Variants in MYO16 observed in about 807,000 individuals in gnomAD.
MYO16 encodes myosin XVI.
In MYO16, 94 loss-of-function variants were observed where a neutral mutation model predicts 205.3. That is an observed-to-expected ratio of 0.46 (90% CI 0.39 to 0.54). The LOEUF (loss-of-function observed/expected upper bound fraction) is 0.54, where lower values mean the gene tolerates loss of function less well. Ranked by LOEUF, MYO16 falls within the 20% of genes least tolerant of loss-of-function variation. The pLI, the probability that MYO16 is intolerant of heterozygous loss-of-function variation, is 0.00. For missense variants in MYO16, 2,315 were observed against 2,387.5 expected (o/e 0.97, Z 0.63); for synonymous variants, 988 against 954.0 (o/e 1.04, Z -0.66).
chr13:108,885,191 C>T (rs944493510), intron 13 of MYO16, among the ~76,000 whole-genome samples: 12 of 152,210 alleles, frequency 7.9e-5, no homozygotes, highest in African/African-American at 2.7e-4. Flanking sequence ...ACAATCTCAG[C>T]TCACCGCTAC....
chr13:108,738,991 T>G (rs929667050), intron 4 of MYO16, among the ~76,000 whole-genome samples: 1 of 152,204 alleles, frequency 6.6e-6, no homozygotes, highest in African/African-American at 2.4e-5. Context: ...ATTTTCTTGG[T>G]AGATCTTCCT....
At chr13:108,932,749 G>A (rs944742913) in intron 16 of MYO16, among the ~76,000 whole-genome samples, 16 of 152,028 alleles carry the variant, frequency 1.1e-4, no homozygotes, top group African/African-American at 3.6e-4. Flanking sequence ...CTTTTTGATC[G>A]TCAGGCTTAC....
At chr13:109,005,797 A>G (rs946149939) in intron 21 of MYO16, among the ~76,000 whole-genome samples, 5 of 152,152 alleles carry the variant, frequency 3.3e-5, no homozygotes, top group African/African-American at 1.2e-4. Flanking sequence ...GTTCACACCA[A>G]TGTTCTGCTC....
chr13:108,827,250 T>C (rs1876324222), intron 9 of MYO16, among the ~76,000 whole-genome samples: 1 of 152,154 alleles, frequency 6.6e-6, no homozygotes, highest in Admixed American at 6.6e-5. Context: ...TGATTTGTTT[T>C]TTTTTCCCCC....
At chr13:108,503,427 GAGA>G in the MYO16 span, among the ~76,000 whole-genome samples, 4 of 150,092 alleles carry the variant, frequency 2.7e-5, no homozygotes, top group African/African-American at 5.0e-5. Flanking sequence ...CTTCATCAAG[GAGA>G]AGAAGCTCAA....
Position 108,806,675 on chromosome 13 carries a change from G to A in MYO16, c.742-4G>A, listed in dbSNP as rs1887123440. 6.2e-7 allele frequency: 1 copy of A among 1,611,902 alleles called. No homozygotes were observed. On this transcript the variant is annotated splice_region_variant and splice_polypyrimidine_tract_variant and intron_variant, in intron 6 of 34. Coordinates refer to ENST00000457511, the MANE Select transcript of MYO16 (RefSeq NM_001198950.3). ...ATGAATAATAAGATGTCTCTTCGCT[G>A]CAGTTACACATGGCGTGTGCGAGTG...
chr13:108,942,326 T>C (rs995193149), intron 16 of MYO16, among the ~76,000 whole-genome samples: 6 of 152,220 alleles, frequency 3.9e-5, no homozygotes, highest in Admixed American at 2.6e-4. Flanking sequence ...GACAAGGGAT[T>C]GTGTTAATAA....
chr13:109,109,975 A>G (rs932554175), intron 28 of MYO16, among the ~76,000 whole-genome samples: 13 of 152,254 alleles, frequency 8.5e-5, no homozygotes, highest in African/African-American at 2.9e-4. Flanking sequence ...GAAGAAAAGC[A>G]CACATCAAAA....
upstream of MYO16, among the ~76,000 whole-genome samples, chr13:108,592,746 G>A (rs965378631): frequency 1.3e-4 from 20 of 151,134 alleles, no homozygotes; most frequent in African/African-American, 4.9e-4. Flanking sequence ...GTGTGTGTGT[G>A]TGTGTATGTG....
chr13:108,846,462 TTA>T (rs1018356816), intron 10 of MYO16, among the ~76,000 whole-genome samples: 11 of 151,168 alleles, frequency 7.3e-5, no homozygotes, highest in South Asian at 4.2e-4. Flanking sequence ...AATAATATCA[TTA>T]TATATATATA....
intron 1 of MYO16, among the ~76,000 whole-genome samples, chr13:108,639,677 T>C (rs761021275): frequency 7.2e-5 from 11 of 152,182 alleles, no homozygotes; most frequent in Admixed American, 2.6e-4. Context: ...AGTAAAGATT[T>C]GTGTTAGAAA....
At chr13:108,546,135 T>A in the MYO16 span, among the ~76,000 whole-genome samples, 1 of 152,154 alleles carries the variant, frequency 6.6e-6, no homozygotes, top group African/African-American at 2.4e-5. Flanking sequence ...GTTTTGACAG[T>A]CTATGATACA....
intron 32 of MYO16, among the ~76,000 whole-genome samples, chr13:109,147,996 G>T (rs989510963): frequency 6.6e-6 from 1 of 152,056 alleles, no homozygotes; most frequent in Non-Finnish European, 1.5e-5. Context: ...TTGACAAGAA[G>T]AGAATATGTC....
intron 6 of MYO16, among the ~76,000 whole-genome samples, chr13:108,796,532 G>A (rs1431111214): frequency 6.6e-6 from 1 of 152,122 alleles, no homozygotes; most frequent in African/African-American, 2.4e-5. Flanking sequence ...ATCCAACAAT[G>A]ATAGACTGGA....
the MYO16 span, among the ~76,000 whole-genome samples, chr13:108,562,226 A>C: frequency 1.3e-5 from 2 of 152,092 alleles, no homozygotes; most frequent in African/African-American, 4.8e-5. Flanking sequence ...ATGACAAATA[A>C]AGCATTCTGG....
At chr13:108,730,051 C>T (rs1884471554) in intron 4 of MYO16, among the ~76,000 whole-genome samples, 1 of 152,110 alleles carries the variant, frequency 6.6e-6, no homozygotes, top group African/African-American at 2.4e-5. Context: ...GAAATGACTC[C>T]CCTTCAGCAT....
intron 27 of MYO16, among the ~76,000 whole-genome samples, chr13:109,098,514 A>G (rs144868155): frequency 1.3e-5 from 2 of 152,206 alleles, no homozygotes; most frequent in Admixed American, 1.3e-4. Context: ...AAGTCTTTCC[A>G]CTTTGGTTGT....
chr13:108,624,960 A>G (rs1245155283), upstream of MYO16, among the ~76,000 whole-genome samples: 1 of 152,164 alleles, frequency 6.6e-6, no homozygotes, highest in Non-Finnish European at 1.5e-5. Flanking sequence ...TCAGTACTCT[A>G]TGAAAGTATT....
intron 1 of MYO16, among the ~76,000 whole-genome samples, chr13:108,608,646 C>A (rs1036801043): frequency 1.0e-5 from 1 of 96,572 alleles, no homozygotes; most frequent in African/African-American, 3.5e-5. Context: ...CACTTACCCA[C>A]AAATGATTTT....
Sources: allele counts gnomAD v4.1 joint callset (sites outside exome capture counted in the v4.1 genomes callset), GRCh38; gene constraint gnomAD v4.1.1; transcripts MANE v1.5; gene names NCBI Gene and HGNC (gene_info 2026-07-23, HGNC 2026-07-21).